The following PTTG1IP2 variants were observed in gnomAD, a reference collection of about 807,000 sequenced individuals.
PTTG1IP2 encodes PTTG1IP family member 2.
chr7:90,478,564 C>G (rs1797778396), intron 1 of PTTG1IP2, among the ~76,000 whole-genome samples: 1 of 152,210 alleles, frequency 6.6e-6, no homozygotes, highest in Admixed American at 6.5e-5. Flanking sequence ...AGCCTGTGAA[C>G]TCTGTCCCCA....
intron 2 of PTTG1IP2, among the ~76,000 whole-genome samples, chr7:90,482,635 T>A (rs1562984979): frequency 6.6e-6 from 1 of 152,208 alleles, no homozygotes; most frequent in Non-Finnish European, 1.5e-5. Flanking sequence ...TAATCTGTGC[T>A]TTTATTGCTA....
At chr7:90,477,697 T>C (rs1797765222) in intron 1 of PTTG1IP2, among the ~76,000 whole-genome samples, 1 of 152,122 alleles carries the variant, frequency 6.6e-6, no homozygotes, top group Non-Finnish European at 1.5e-5. Flanking sequence ...GAGAAGGACG[T>C]TAGTGTAGAG....
chr7:90,478,841 T>G (rs1466519808), intron 1 of PTTG1IP2, among the ~76,000 whole-genome samples: 2 of 152,044 alleles, frequency 1.3e-5, no homozygotes, highest in Non-Finnish European at 2.9e-5. Flanking sequence ...TTTTTTTTTT[T>G]TTTACTATTT....
rs749811576 is a variant in PTTG1IP2, at chr7:90,491,494, G to A, written c.381-745G>A. Reference sequence around the variant, plus strand: ...AAAACTTAGCTGGGCGTGGTGGCACGCACCTATGGTTCCAGCTACTCAGGA... The same window carrying A: ...AAAACTTAGCTGGGCGTGGTGGCACACACCTATGGTTCCAGCTACTCAGGA... On this transcript the variant is annotated intron_variant, in intron 4 of 6. Coordinates refer to ENST00000509356, the MANE Select transcript of PTTG1IP2 (RefSeq NM_001365443.2). Among the ~76,000 whole-genome samples the A allele has an allele frequency of 3.1e-4, 47 of 151,982 alleles. 3 individuals are homozygous for A. The highest frequency in any genetic ancestry group is 9.7e-4 in the East Asian group (5 of 5,138).
intron 2 of PTTG1IP2, among the ~76,000 whole-genome samples, chr7:90,484,601 GAATATAT>G: frequency 6.6e-6 from 1 of 152,110 alleles, no homozygotes; most frequent in Admixed American, 6.6e-5. Context: ...TAGGAATGTT[GAATATAT>G]TATACTGTTC....
chr7:90,510,282 A>G (rs1798172440), intron 6 of PTTG1IP2, among the ~76,000 whole-genome samples: 1 of 152,194 alleles, frequency 6.6e-6, no homozygotes, highest in Non-Finnish European at 1.5e-5. Flanking sequence ...TTTACATATT[A>G]TCCGAAAAGA....
In PTTG1IP2 at chr7:90,510,459, A is replaced by G. The variant is rs1798175316; in HGVS notation, c.*51-2819A>G. Among the ~76,000 whole-genome samples, 3 of 152,226 alleles carry G rather than the reference A, an allele frequency of 2.0e-5. No individual in the cohort carries two copies. In the South Asian group the frequency reaches 6.2e-4, roughly 31 times the overall value. ...TAGGATAAATAAGGGAGAATCATGT[A>G]CACACCTTTAACTCAGCCCTTTCCT... is the stretch of plus-strand genomic sequence containing the variant. On this transcript the variant is annotated intron_variant, in intron 6 of 6. Coordinates refer to ENST00000509356, the MANE Select transcript of PTTG1IP2 (RefSeq NM_001365443.2).
chr7:90,474,959 G>A (rs1797729866), intron 1 of PTTG1IP2, among the ~76,000 whole-genome samples: 1 of 152,178 alleles, frequency 6.6e-6, no homozygotes. Flanking sequence ...AGATTGGCTT[G>A]CCACAACTCC....
chr7:90,509,172 C>T (rs561869620), intron 6 of PTTG1IP2, among the ~76,000 whole-genome samples: 1 of 149,546 alleles, frequency 6.7e-6, no homozygotes, highest in South Asian at 2.1e-4. Context: ...GGAAACATAC[C>T]TTGATGGTGT....
intron 6 of PTTG1IP2, among the ~76,000 whole-genome samples, chr7:90,511,816 G>A (rs766912532): frequency 5.3e-5 from 8 of 151,884 alleles, no homozygotes; most frequent in African/African-American, 1.5e-4. Flanking sequence ...TCTATGTCTC[G>A]GTTTCTTCAT....
intron 1 of PTTG1IP2, among the ~76,000 whole-genome samples, chr7:90,477,563 T>C (rs749236571): frequency 6.6e-6 from 1 of 152,108 alleles, no homozygotes; most frequent in Non-Finnish European, 1.5e-5. Context: ...TATCTGAAAG[T>C]ACTGAGGATA....
In PTTG1IP2 at chr7:90,478,096, CAAAAAA is replaced by C. The variant is rs370035849; in HGVS notation, c.146-1117_146-1112del. Among the ~76,000 whole-genome samples, 157 of 68,050 alleles carry C rather than the reference CAAAAAA, an allele frequency of 2.3e-3. 1 individual carries two copies. The highest frequency in any genetic ancestry group is 6.1e-3 in the Admixed American group (39 of 6,416). The allele number at this position is 68,050 out of a possible 152,430, so 44.6% of individuals were successfully genotyped here. A position where few individuals can be genotyped will look rare whatever the true frequency, so the allele number is the denominator to read the frequency against. ...TGGGTGACAGAGTGAGACTCCGTCT[CAAAAAA>C]AAAAAAAAAAAAAAGAAAAAGAAAA... On this transcript the variant is annotated intron_variant, in intron 1 of 6. Coordinates refer to ENST00000509356, the MANE Select transcript of PTTG1IP2 (RefSeq NM_001365443.2).
chr7:90,504,075 G>A (rs551950923), intron 6 of PTTG1IP2, among the ~76,000 whole-genome samples: 7 of 152,166 alleles, frequency 4.6e-5, no homozygotes, highest in African/African-American at 1.7e-4. Flanking sequence ...CCAGCATTTT[G>A]GGAGGCTGGA....
chr7:90,503,864 T>C (rs971160794), intron 6 of PTTG1IP2, among the ~76,000 whole-genome samples: 3 of 152,170 alleles, frequency 2.0e-5, no homozygotes, highest in African/African-American at 7.2e-5. Flanking sequence ...AGTGAGCACA[T>C]ACTATTGGAA....
At chr7:90,476,305 T>G (rs1306475388) in intron 1 of PTTG1IP2, among the ~76,000 whole-genome samples, 1 of 152,160 alleles carries the variant, frequency 6.6e-6, no homozygotes, top group Non-Finnish European at 1.5e-5. Context: ...TCCATCTGAT[T>G]TCTGAAATCC....
chr7:90,505,356 G>C (rs902625339), intron 6 of PTTG1IP2, among the ~76,000 whole-genome samples: 1 of 152,192 alleles, frequency 6.6e-6, no homozygotes, highest in South Asian at 2.1e-4. Context: ...CATCATGATT[G>C]TACAACCAAT....
chr7:90,479,933 C>T (rs1797796375), intron 2 of PTTG1IP2, among the ~76,000 whole-genome samples: 1 of 152,186 alleles, frequency 6.6e-6, no homozygotes, highest in Admixed American at 6.5e-5. Flanking sequence ...TCTAGATATA[C>T]ACCCTCTGCC....
chr7:90,471,708 T>G (rs1366160699), intron 1 of PTTG1IP2, among the ~76,000 whole-genome samples: 6 of 152,346 alleles, frequency 3.9e-5, no homozygotes, highest in African/African-American at 1.4e-4. Context: ...TAATTTTTAT[T>G]AATTCTCCCA....
chr7:90,496,336 G>A (rs545269691), intron 6 of PTTG1IP2, among the ~76,000 whole-genome samples: 3 of 152,212 alleles, frequency 2.0e-5, no homozygotes, highest in Non-Finnish European at 4.4e-5. Context: ...TTATTTGTCT[G>A]TTCAGATTTT....
Sources: allele counts gnomAD v4.1 joint callset (sites outside exome capture counted in the v4.1 genomes callset), GRCh38; gene constraint gnomAD v4.1.1; transcripts MANE v1.5; gene names NCBI Gene and HGNC (gene_info 2026-07-23, HGNC 2026-07-21).